CCDC18: variants seen among roughly 807,000 people sequenced by gnomAD.
CCDC18 encodes the protein coiled-coil domain-containing protein 18.
A neutral mutation model predicts 196.0 loss-of-function variants in CCDC18; 157 were observed. The observed-to-expected ratio is 0.80, with a 90% CI of 0.70 to 0.91. The LOEUF is 0.91. Ranked by LOEUF, CCDC18 falls within the 40% of genes least tolerant of loss-of-function variation. The pLI, the probability that CCDC18 is intolerant of heterozygous loss-of-function variation, is 0.00. For missense variants in CCDC18, 1,465 were observed against 1,611.6 expected (o/e 0.91, Z 1.56); for synonymous variants, 482 against 529.2 (o/e 0.91, Z 1.22).
At chr1:93,278,266 G>A (rs530396837) in intron 28 of CCDC18, among the ~76,000 whole-genome samples, 197 bp from the exon 29 acceptor site, 1 of 152,236 alleles carries the variant, frequency 6.6e-6, no homozygotes, top group East Asian at 1.9e-4. Context: ...GGGATTACAG[G>A]CAGTGAGCCA....
intron 3 of CCDC18, among the ~76,000 whole-genome samples, chr1:93,185,281 G>A (rs1650449007): frequency 6.6e-6 from 1 of 151,752 alleles, no homozygotes; most frequent in East Asian, 1.9e-4. Context: ...AATGCACAGT[G>A]ATATAACCCC....
intron 23 of CCDC18, among the ~76,000 whole-genome samples, chr1:93,249,942 A>T (rs998117503): frequency 2.6e-5 from 4 of 152,212 alleles, no homozygotes; most frequent in Admixed American, 6.5e-5. Context: ...TTGTTTCAAG[A>T]CATTAAAATT....
chr1:93,232,700 G>A lies in CCDC18; in HGVS notation c.2460+107G>A, dbSNP rs529293897. Reference sequence around the variant, plus strand: ...TTAAATTGCTGTTTGGCCAGATGCCGTGGCTCGTGCCCATAATTCCAGCAC... The same window carrying A: ...TTAAATTGCTGTTTGGCCAGATGCCATGGCTCGTGCCCATAATTCCAGCAC... On this transcript the variant is annotated intron_variant, in intron 18 of 28. Transcript: ENST00000690025. 3.7e-4 allele frequency: 307 copies of A among 828,776 alleles called. 1 individual carries two copies. Among genetic ancestry groups the A allele is most frequent in the African/African-American group, 2.3e-3 (131 of 56,590 alleles). 51.3% of individuals were successfully genotyped at this position (828,776 alleles called of 1,614,324 possible). A position where few individuals can be genotyped will look rare whatever the true frequency, so the allele number is the denominator to read the frequency against.
At chr1:93,246,976 T>A in intron 23 of CCDC18, 22 bp downstream of exon 23, 1 of 932,272 alleles carries the variant, frequency 1.1e-6, no homozygotes, top group Non-Finnish European at 1.7e-6. Context: ...TAAAATTACG[T>A]ATTTTAAATT....
intron 6 of CCDC18, among the ~76,000 whole-genome samples, chr1:93,194,943 T>A (rs565526152): frequency 4.6e-5 from 7 of 152,308 alleles, no homozygotes; most frequent in Admixed American, 4.6e-4. Context: ...TGATCTTGGC[T>A]CACTGCATCC....
intron 6 of CCDC18, among the ~76,000 whole-genome samples, chr1:93,198,771 G>A (rs533802536): frequency 3.3e-5 from 5 of 152,052 alleles, no homozygotes; most frequent in East Asian, 1.9e-4. Context: ...CTTCAGGCTC[G>A]CAGATAGTTA....
chr1:93,265,131 T>C (rs1664325330), intron 27 of CCDC18, among the ~76,000 whole-genome samples: 1 of 152,204 alleles, frequency 6.6e-6, no homozygotes, highest in South Asian at 2.1e-4. Context: ...CATCTAATCA[T>C]AATGTTTAGA....
chr1:93,182,307 C>G (rs1160494207), intron 1 of CCDC18, among the ~76,000 whole-genome samples: 2 of 152,168 alleles, frequency 1.3e-5, no homozygotes, highest in African/African-American at 4.8e-5. Context: ...ACATACCATT[C>G]TAACTGGATG....
intron 21 of CCDC18, among the ~76,000 whole-genome samples, 159 bp from the exon 22 acceptor site, chr1:93,245,942 TTTTC>T (rs1324978515): frequency 6.6e-6 from 1 of 152,166 alleles, no homozygotes; most frequent in Non-Finnish European, 1.5e-5. Flanking sequence ...ATGTCAATCT[TTTTC>T]TTTATCTATT....
rs935447023 is a variant in CCDC18 at position 93,264,930 on chromosome 1, A to G, written c.3885+29A>G. 2.1e-5 allele frequency: 30 copies of G among 1,453,470 alleles called. No individual in the cohort carries two copies. The Middle Eastern group carries it at 5.8e-4, about 28-fold the overall frequency. 90.0% of individuals were successfully genotyped at this position (1,453,470 alleles called of 1,614,324 possible). ...AGTAAACATATAAAAGTAATAAAGCATATCTATGAAAACATAAATGTCTGA... is the reference window on the plus strand; with the variant it reads ...AGTAAACATATAAAAGTAATAAAGCGTATCTATGAAAACATAAATGTCTGA... On this transcript the variant is annotated intron_variant, in intron 27 of 28. Transcript: ENST00000690025.
At chr1:93,215,455 CTTTT>C (rs60117060) in intron 12 of CCDC18, among the ~76,000 whole-genome samples, 1 of 139,914 alleles carries the variant, frequency 7.1e-6, no homozygotes, top group Non-Finnish European at 1.6e-5. Context: ...TTTTCTTTTT[CTTTT>C]TTTTTTTTTT....
At chr1:93,221,342 C>T (rs561214410) in intron 14 of CCDC18, among the ~76,000 whole-genome samples, 69 of 151,958 alleles carry the variant, frequency 4.5e-4, no homozygotes, top group Middle Eastern at 3.4e-3. Flanking sequence ...GATGGTATCT[C>T]ATTGTGGTTT....
intron 6 of CCDC18, among the ~76,000 whole-genome samples, chr1:93,199,356 C>G (rs545095760): frequency 2.8e-4 from 42 of 152,344 alleles, no homozygotes; most frequent in Non-Finnish European, 3.1e-4. Context: ...AGCACGGGCG[C>G]CAGCTCCCTG....
At chr1:93,277,504 C>T (rs1420184205) in intron 28 of CCDC18, among the ~76,000 whole-genome samples, 2 of 132,214 alleles carry the variant, frequency 1.5e-5, no homozygotes, top group African/African-American at 6.9e-5. Flanking sequence ...GGTGATGACT[C>T]TTAAGGAGCA....
At chr1:93,222,670 T>A (rs1657635486) in intron 16 of CCDC18, among the ~76,000 whole-genome samples, 1 of 152,190 alleles carries the variant, frequency 6.6e-6, no homozygotes, top group Admixed American at 6.5e-5. Flanking sequence ...CTTTGAACTT[T>A]AATTTCTTCA....
intron 16 of CCDC18, among the ~76,000 whole-genome samples, chr1:93,225,719 G>T (rs1043589350): frequency 4.6e-5 from 7 of 151,552 alleles, no homozygotes; most frequent in Non-Finnish European, 8.8e-5. Context: ...AGAGGTTGCA[G>T]TGACCCGAGA....
intron 19 of CCDC18, among the ~76,000 whole-genome samples, chr1:93,237,291 C>A (rs1043734921): frequency 6.6e-6 from 1 of 152,238 alleles, no homozygotes; most frequent in African/African-American, 2.4e-5. Flanking sequence ...GGCCTCACCA[C>A]TGGTGTCCAC....
chr1:93,271,195 T>A (rs1665230243), intron 28 of CCDC18: 1 of 985,336 alleles, frequency 1.0e-6, no homozygotes, highest in Admixed American at 6.1e-5. Context: ...CATAATTTAC[T>A]GTTCATTTGG....
At chr1:93,267,729 A>G (rs1044363833) in intron 27 of CCDC18, among the ~76,000 whole-genome samples, 3 of 152,202 alleles carry the variant, frequency 2.0e-5, no homozygotes, top group Non-Finnish European at 2.9e-5. Context: ...TCCAACTTAC[A>G]AGGGATGTGA....
Sources: gnomAD v4.1 joint callset for allele counts (sites outside exome capture counted in the v4.1 genomes callset) on GRCh38, gnomAD v4.1.1 for gene constraint, MANE v1.5 for transcripts, NCBI Gene and HGNC (gene_info 2026-07-23, HGNC 2026-07-21) for gene names.